MTMR8: variants seen among roughly 807,000 people sequenced by gnomAD.
MTMR8 encodes phosphatidylinositol-3,5-bisphosphate 3-phosphatase MTMR8.
A neutral mutation model predicts 39.3 loss-of-function variants in MTMR8; 65 were observed. The ratio of observed to expected loss-of-function variants is 1.65; its 90% CI spans 1.35 to 2.03. The LOEUF (loss-of-function observed/expected upper bound fraction) is 2.03, where lower values mean the gene tolerates loss of function less well. Ranked by LOEUF, MTMR8 falls within the 30% of genes most tolerant of loss-of-function variation. The pLI, the probability that MTMR8 is intolerant of heterozygous loss-of-function variation, is 0.00. For missense variants in MTMR8, 777 were observed against 538.9 expected, an observed-to-expected ratio of 1.44 and a Z score of -4.37; for synonymous variants, 245 against 185.2, an observed-to-expected ratio of 1.32 and a Z score of -2.62.
At chrX:64,332,754 C>T (rs998777554) in intron 10 of MTMR8, among the ~76,000 whole-genome samples, 5 of 111,739 alleles carry the variant, frequency 4.5e-5, no homozygotes, top group Admixed American at 9.5e-5. Flanking sequence ...CCTTAACTAA[C>T]GCAAATCAAA....
intron 12 of MTMR8, among the ~76,000 whole-genome samples, chrX:64,324,814 C>CAAAAA (rs758476355): frequency 2.7e-3 from 77 of 28,599 alleles, no homozygotes; most frequent in African/African-American, 0.013. Flanking sequence ...TGTTGCTCAC[C>CAAAAA]AAAAAAAAAA....
chrX:64,351,591 T>A (rs769241283), intron 4 of MTMR8, among the ~76,000 whole-genome samples: 7 of 110,868 alleles, frequency 6.3e-5, no homozygotes, highest in Non-Finnish European at 1.3e-4. Flanking sequence ...CGTCTGCAAG[T>A]TGAGGAGCAA....
At chrX:64,361,590 T>C (rs898490879) in intron 1 of MTMR8, among the ~76,000 whole-genome samples, 31 of 111,432 alleles carry the variant, frequency 2.8e-4, no homozygotes, top group African/African-American at 8.8e-4. Flanking sequence ...ATGCTTTATC[T>C]CAATTGATAC....
In MTMR8 at chrX:64,384,901, G is replaced by T. The variant is rs1924518933; in HGVS notation, c.24+10439C>A. ...GTTATGCAAATTTATCCAGCAAGTGGTTGCTCAGGAACCCATTTGAATTCT... is the reference window on the plus strand; with the variant it reads ...GTTATGCAAATTTATCCAGCAAGTGTTTGCTCAGGAACCCATTTGAATTCT... On this transcript the variant is annotated intron_variant, in intron 1 of 13. Coordinates refer to ENST00000374852, the MANE Select transcript of MTMR8 (RefSeq NM_017677.4). Among the ~76,000 whole-genome samples the T allele has an allele frequency of 2.7e-5, 3 of 112,342 alleles. No homozygotes were observed. The South Asian group carries it at 1.1e-3, about 41-fold the overall frequency.
At chrX:64,344,899 A>G (rs1261326090) in intron 7 of MTMR8, 146 bp downstream of exon 7, 3 of 530,822 alleles carry the variant, frequency 5.7e-6, no homozygotes, top group Middle Eastern at 5.7e-4. Flanking sequence ...TTTAAGCTAG[A>G]TTTGTACAAT....
intron 1 of MTMR8, among the ~76,000 whole-genome samples, chrX:64,381,052 C>T (rs1180619205): frequency 8.9e-6 from 1 of 112,144 alleles, no homozygotes; most frequent in African/African-American, 3.2e-5. Flanking sequence ...CCGCAATAAA[C>T]ATATGTGCAC....
intron 3 of MTMR8, among the ~76,000 whole-genome samples, chrX:64,355,686 A>G (rs752281911): frequency 5.4e-5 from 6 of 111,099 alleles, no homozygotes; most frequent in Middle Eastern, 9.2e-3. Context: ...GGGCTGGGGA[A>G]TGAAAGGGTG....
intron 12 of MTMR8, among the ~76,000 whole-genome samples, chrX:64,288,788 T>C (rs1343410986): frequency 9.1e-6 from 1 of 110,206 alleles, no homozygotes; most frequent in African/African-American, 3.3e-5. Context: ...AAACACCGCA[T>C]GTTGTCACTC....
At chrX:64,359,344 T>C (rs1478855578) in intron 2 of MTMR8, 61 bp downstream of exon 2, 6 of 1,094,977 alleles carry the variant, frequency 5.5e-6, no homozygotes, top group Non-Finnish European at 7.3e-6. Context: ...GAAACTACCA[T>C]ATAGAGAGCA....
At chrX:64,302,279 T>C (rs1008538544) in intron 12 of MTMR8, among the ~76,000 whole-genome samples, 3 of 112,612 alleles carry the variant, frequency 2.7e-5, no homozygotes, top group Non-Finnish European at 3.8e-5. Context: ...TGCGCCGTTT[T>C]TTAAGCCGGT....
intron 1 of MTMR8, among the ~76,000 whole-genome samples, chrX:64,383,842 T>A (rs754125613): frequency 1.6e-4 from 18 of 111,313 alleles, no homozygotes; most frequent in Admixed American, 5.7e-4. Flanking sequence ...ATTCTGCTCC[T>A]GGTCCCCCAA....
At chrX:64,303,501 G>A (rs1031083976) in intron 12 of MTMR8, among the ~76,000 whole-genome samples, 1 of 112,011 alleles carries the variant, frequency 8.9e-6, no homozygotes, top group Admixed American at 9.5e-5. Flanking sequence ...AGATATAGAG[G>A]CTATTGGTGG....
At chrX:64,313,479 A>G (rs1176997072) in intron 12 of MTMR8, among the ~76,000 whole-genome samples, 1 of 112,649 alleles carries the variant, frequency 8.9e-6, no homozygotes, top group Non-Finnish European at 1.9e-5. Context: ...TTGTGTTTTC[A>G]CTAGAGTAGC....
chrX:64,373,194 C>A (rs1438668217), intron 1 of MTMR8, among the ~76,000 whole-genome samples: 2 of 112,005 alleles, frequency 1.8e-5, no homozygotes, highest in Non-Finnish European at 3.8e-5. Context: ...GAGGTAAAGG[C>A]AGGCAGTGAG....
intron 1 of MTMR8, among the ~76,000 whole-genome samples, chrX:64,385,255 A>T (rs898273864): frequency 8.9e-6 from 1 of 111,882 alleles, no homozygotes; most frequent in African/African-American, 3.3e-5. Context: ...CTGAGACCTC[A>T]TCAGCCTGGA....
chrX:64,352,247 A>T (rs1923505380), intron 4 of MTMR8, among the ~76,000 whole-genome samples: 1 of 111,474 alleles, frequency 9.0e-6, no homozygotes, highest in Non-Finnish European at 1.9e-5. Context: ...TGCTGGAGGA[A>T]TTCAGTGTGT....
intron 12 of MTMR8, among the ~76,000 whole-genome samples, chrX:64,282,942 C>T (rs756537808): frequency 1.8e-5 from 2 of 111,790 alleles, no homozygotes; most frequent in African/African-American, 3.2e-5. Context: ...AACTGAGGTA[C>T]TGGGTTCATC....
intron 12 of MTMR8, among the ~76,000 whole-genome samples, chrX:64,289,936 C>A (rs1286136634): frequency 2.7e-5 from 3 of 110,606 alleles, no homozygotes; most frequent in African/African-American, 9.9e-5. Flanking sequence ...TATGAGGTAC[C>A]TGGTCAAGTC....
chrX:64,359,470 G>A lies in MTMR8; in HGVS notation c.82C>T (p.Leu28Phe). Residue 28 changes from leucine to phenylalanine, a missense_variant, in exon 2 of 14, where the codon CTT becomes TTT. Leu to Phe is a conservative substitution (Grantham distance 22). Transcript: ENST00000374852. ...ATCAGGTGGGTTGCAGTAAGATAAA[G>A]AATCCCATTAGCTGGTTTCTTACTC... ...YVSKKPANGI[L>F]YLTATHLIYV... 8.3e-7 allele frequency: 1 copy of A among 1,208,515 alleles called. No homozygotes were observed. The highest frequency in any genetic ancestry group is 3.0e-5 in the East Asian group (1 of 33,770).
Sources: allele counts gnomAD v4.1 joint callset (sites outside exome capture counted in the v4.1 genomes callset), GRCh38; gene constraint gnomAD v4.1.1; transcripts MANE v1.5; gene names NCBI Gene and HGNC (gene_info 2026-07-23, HGNC 2026-07-21).